The following DDX10 variants were observed in gnomAD, a reference collection of about 807,000 sequenced individuals.
DDX10 encodes the protein DEAD-box helicase 10.
DDX10 carries 74 observed loss-of-function variants against 104.3 expected under a neutral mutation model. That is an observed-to-expected ratio of 0.71 (90% CI 0.59 to 0.86). The LOEUF (loss-of-function observed/expected upper bound fraction) is 0.86, where lower values mean the gene tolerates loss of function less well. DDX10 is among the 40% of genes least tolerant of loss of function. DDX10 has a pLI of 0.00. For missense variants in DDX10, 952 were observed against 1,040.0 expected (o/e 0.92, Z 1.16); for synonymous variants, 351 against 353.4 (o/e 0.99, Z 0.08).
chr11:108,695,603 C>G (rs991541151), intron 9 of DDX10, among the ~76,000 whole-genome samples: 1 of 152,082 alleles, frequency 6.6e-6, no homozygotes, highest in African/African-American at 2.4e-5. Flanking sequence ...TTTTGGGTAG[C>G]TTTGAAGAAA....
In DDX10 at chr11:108,719,816, G is replaced by T; in HGVS notation, c.1430G>T (p.Arg477Leu). ...TTACAGTGTTTCGTCTCCTATGTAC[G>T]ATCTGTATATCTGATGAAGGATAAA... ...RAQRCFVSYV[R>L]SVYLMKDKEV... The change falls in exon 12 of 18, where the codon CGA becomes CTA. Residue 477 changes from arginine (R) to leucine (L), a missense_variant. Physicochemically the swap from Arg to Leu is moderately radical, Grantham distance 102 (BLOSUM62 -2). Transcript: ENST00000322536. 2 of 1,603,902 alleles carry T rather than the reference G, an allele frequency of 1.2e-6. No individual in the cohort carries two copies. Among genetic ancestry groups the T allele is most frequent in the Non-Finnish European group, 1.7e-6 (2 of 1,171,202 alleles).
At chr11:108,841,167 G>T (rs1591832530) in intron 14 of DDX10, 148 bp from the exon 15 acceptor site, 4 of 642,132 alleles carry the variant, frequency 6.2e-6, no homozygotes. Flanking sequence ...TCTATGGCTT[G>T]AAGTTGATTA....
chr11:108,862,744 C>T (rs982992247), intron 16 of DDX10, among the ~76,000 whole-genome samples: 1 of 152,132 alleles, frequency 6.6e-6, no homozygotes, highest in Non-Finnish European at 1.5e-5. Flanking sequence ...GTTTTAGTTT[C>T]TACTATAAAC....
At chr11:108,939,966 G>A (rs1864085546) in intron 17 of DDX10, among the ~76,000 whole-genome samples, 1 of 152,140 alleles carries the variant, frequency 6.6e-6, no homozygotes, top group South Asian at 2.1e-4. Flanking sequence ...GTGCATCTCA[G>A]TGTCCTCAAA....
intron 13 of DDX10, among the ~76,000 whole-genome samples, chr11:108,826,734 A>G (rs1453017546): frequency 6.6e-6 from 1 of 152,178 alleles, no homozygotes. Flanking sequence ...TCACATCCGC[A>G]TGCATCTTCC....
chr11:108,754,133 G>C (rs1156990689), intron 13 of DDX10, among the ~76,000 whole-genome samples: 1 of 151,950 alleles, frequency 6.6e-6, no homozygotes, highest in Non-Finnish European at 1.5e-5. Flanking sequence ...CCTGTTTTCT[G>C]TTCAGATTTG....
intron 17 of DDX10, among the ~76,000 whole-genome samples, chr11:108,937,655 A>G (rs538327745): frequency 6.6e-6 from 1 of 152,178 alleles, no homozygotes; most frequent in Non-Finnish European, 1.5e-5. Context: ...TTCCGATTAC[A>G]TATTACTTGA....
intron 13 of DDX10, among the ~76,000 whole-genome samples, chr11:108,788,157 A>C (rs1330764655): frequency 6.6e-6 from 1 of 152,150 alleles, no homozygotes; most frequent in African/African-American, 2.4e-5. Context: ...TCTGGTTAAG[A>C]ACCATTTCTG....
chr11:108,842,317 T>C lies in DDX10; in HGVS notation c.2247+841T>C, dbSNP rs192731869. On this transcript the variant is annotated intron_variant, in intron 15 of 17. Coordinates refer to ENST00000322536, the MANE Select transcript of DDX10 (RefSeq NM_004398.4). The stretch of plus-strand genomic sequence containing the variant: ...TTTAGCGTGCTTTTGATACAGTGAT[T>C]TCAGGGTGACACAGTGAGAAACACC... 1.2e-3 allele frequency among the ~76,000 whole-genome samples: 181 copies of C among 152,290 alleles called. 2 individuals are homozygous for C. The highest frequency in any genetic ancestry group is 4.2e-3 in the African/African-American group (174 of 41,562).
chr11:108,892,078 C>T (rs951503171), intron 16 of DDX10, among the ~76,000 whole-genome samples: 2 of 152,198 alleles, frequency 1.3e-5, no homozygotes, highest in South Asian at 4.2e-4. Context: ...TGCTGTAGTT[C>T]GGATATTTGA....
chr11:108,675,444 C>G, intron 2 of DDX10, 152 bp from the exon 3 acceptor site: 3 of 783,190 alleles, frequency 3.8e-6, no homozygotes, highest in Non-Finnish European at 5.9e-6. Flanking sequence ...TAATCAACCT[C>G]TTTAAAGGCC....
chr11:108,848,197 A>G (rs1862744383), intron 15 of DDX10, among the ~76,000 whole-genome samples: 1 of 152,196 alleles, frequency 6.6e-6, no homozygotes, highest in South Asian at 2.1e-4. Flanking sequence ...AAGACTCCAT[A>G]CTAATACCAC....
intron 13 of DDX10, among the ~76,000 whole-genome samples, chr11:108,827,420 G>A: frequency 6.6e-6 from 1 of 152,320 alleles, no homozygotes; most frequent in East Asian, 1.9e-4. Context: ...CAGTAACAGA[G>A]TTGGGTGGTG....
intron 13 of DDX10, among the ~76,000 whole-genome samples, chr11:108,838,052 C>T (rs1402572817): frequency 6.6e-6 from 1 of 151,728 alleles, no homozygotes; most frequent in African/African-American, 2.4e-5. Flanking sequence ...ATACATTTTC[C>T]TACTCTAAAA....
chr11:108,698,014 G>A (rs1322525307), intron 9 of DDX10, among the ~76,000 whole-genome samples: 1 of 152,074 alleles, frequency 6.6e-6, no homozygotes, highest in Non-Finnish European at 1.5e-5. Context: ...ATTTTGTGGC[G>A]CTCAGAAATT....
intron 13 of DDX10, among the ~76,000 whole-genome samples, chr11:108,800,762 A>G (rs891372004): frequency 7.2e-5 from 11 of 152,178 alleles, no homozygotes; most frequent in African/African-American, 2.7e-4. Flanking sequence ...TTTGAATAGT[A>G]TGTTGTTGCC....
chr11:108,690,050 TAAA>T (rs202225894), intron 7 of DDX10, among the ~76,000 whole-genome samples: 1 of 145,136 alleles, frequency 6.9e-6, no homozygotes, highest in Admixed American at 6.8e-5. Context: ...ACCCTGTCTT[TAAA>T]AAAAAAAAAA....
Position 108,703,689 on chromosome 11 carries a change from T to A in DDX10, c.1224-3050T>A, listed in dbSNP as rs76188001. Among the ~76,000 whole-genome samples the A allele has an allele frequency of 3.7e-3, 562 of 152,318 alleles. 12 individuals are homozygous for A. The highest frequency in any genetic ancestry group is 2.2e-3 in the Non-Finnish European group (149 of 68,014). On this transcript the variant is annotated intron_variant, in intron 9 of 17. Coordinates refer to ENST00000322536, the MANE Select transcript of DDX10 (RefSeq NM_004398.4). The stretch of plus-strand genomic sequence containing the variant: ...TATGTTTAGCCTTGGGCCTTGAATA[T>A]TGCTTTTGAAATCTAAAAGCTTGCT...
chr11:108,831,070 A>G (rs1440556126), intron 13 of DDX10, among the ~76,000 whole-genome samples: 1 of 152,142 alleles, frequency 6.6e-6, no homozygotes, highest in Non-Finnish European at 1.5e-5. Flanking sequence ...ATAGTTAAAT[A>G]TGTTTGGACT....
Sources: allele counts gnomAD v4.1 joint callset (sites outside exome capture counted in the v4.1 genomes callset), GRCh38; gene constraint gnomAD v4.1.1; transcripts MANE v1.5; gene names NCBI Gene and HGNC (gene_info 2026-07-23, HGNC 2026-07-21).